RTL4: variants seen among roughly 807,000 people sequenced by gnomAD.
The protein encoded by RTL4 is retrotransposon Gag like 4.
RTL4 carries 4 observed loss-of-function variants against 5.3 expected under a neutral mutation model. The ratio of observed to expected loss-of-function variants is 0.75; its 90% CI spans 0.37 to 1.72. RTL4 has a LOEUF of 1.72. Among genes scored for constraint, RTL4 ranks in the 40% most tolerant of loss-of-function variants. The probability of loss-of-function intolerance (pLI) is 0.04; values close to 1 mark genes in which losing one functional copy is unlikely to be tolerated. For synonymous variants in RTL4, 98 were observed against 87.3 expected, an observed-to-expected ratio of 1.12 and a Z score of -0.68; for missense variants, 260 against 227.1, an observed-to-expected ratio of 1.14 and a Z score of -0.93.
At chrX:112,228,542 G>T in the RTL4 span, among the ~76,000 whole-genome samples, 1 of 112,186 alleles carries the variant, frequency 8.9e-6, no homozygotes, top group East Asian at 2.8e-4. Flanking sequence ...TGTGTATGTG[G>T]TGAGAACACT....
At chrX:112,091,788 T>A in the RTL4 span, among the ~76,000 whole-genome samples, 1 of 111,308 alleles carries the variant, frequency 9.0e-6, no homozygotes, top group African/African-American at 3.3e-5. Flanking sequence ...ATTTTCTTAA[T>A]GATTTTCTGT....
chrX:112,310,108 C>G, the RTL4 span, among the ~76,000 whole-genome samples: 1 of 103,574 alleles, frequency 9.7e-6, no homozygotes, highest in Non-Finnish European at 2.0e-5. Context: ...CTGCTATGGA[C>G]TGAATTGTAC....
chrX:112,312,297 A>C, the RTL4 span, among the ~76,000 whole-genome samples: 1 of 111,734 alleles, frequency 8.9e-6, no homozygotes, highest in South Asian at 3.7e-4. Flanking sequence ...GAACTAAATA[A>C]GATGGTATCT....
At chrX:112,137,042 C>T in the RTL4 span, among the ~76,000 whole-genome samples, 2 of 111,089 alleles carry the variant, frequency 1.8e-5, no homozygotes, top group Non-Finnish European at 3.8e-5. Flanking sequence ...CTCTGCACAA[C>T]AAAGGAAACA....
At chrX:112,110,844 C>A in the RTL4 span, among the ~76,000 whole-genome samples, 3 of 111,811 alleles carry the variant, frequency 2.7e-5, no homozygotes, top group Non-Finnish European at 5.6e-5. Flanking sequence ...CCAGGAGGAA[C>A]CATCTATCGT....
upstream of RTL4, among the ~76,000 whole-genome samples, chrX:112,451,454 A>G (rs1329170363): frequency 9.0e-6 from 1 of 111,365 alleles, no homozygotes; most frequent in African/African-American, 3.3e-5. Context: ...AACTGTGAAC[A>G]TGCCACTGCA....
At chrX:112,439,022 G>A in the RTL4 span, among the ~76,000 whole-genome samples, 1 of 111,951 alleles carries the variant, frequency 8.9e-6, no homozygotes, top group East Asian at 2.8e-4. Flanking sequence ...ATGTCTTTAT[G>A]TAGTCCAGAA....
the RTL4 span, among the ~76,000 whole-genome samples, chrX:112,235,170 T>C: frequency 8.9e-6 from 1 of 112,055 alleles, no homozygotes; most frequent in Non-Finnish European, 1.9e-5. Flanking sequence ...ATTTTCATTT[T>C]TGGCTTCTTT....
chrX:112,110,394 T>G, the RTL4 span, among the ~76,000 whole-genome samples: 1 of 111,591 alleles, frequency 9.0e-6, no homozygotes, highest in African/African-American at 3.3e-5. Context: ...GATAGTGAAG[T>G]AGATAAACTG....
the RTL4 span, among the ~76,000 whole-genome samples, chrX:112,357,488 C>T: frequency 9.0e-6 from 1 of 111,628 alleles, no homozygotes; most frequent in Non-Finnish European, 1.9e-5. Context: ...AACTAATGCT[C>T]ACCTCATTGG....
upstream of RTL4, among the ~76,000 whole-genome samples, chrX:112,450,015 G>A (rs1926707903): frequency 8.9e-6 from 1 of 112,190 alleles, no homozygotes; most frequent in East Asian, 2.8e-4. Context: ...TGTGGCCACA[G>A]CATTCCTCAG....
chrX:112,454,747 T>A, exon 1 of RTL4: 1 of 1,188,437 alleles, frequency 8.4e-7, no homozygotes, highest in African/African-American at 1.8e-5. Context: ...GTGCACGAAA[T>A]CATCATCTAC....
chrX:112,387,281 T>G, the RTL4 span, among the ~76,000 whole-genome samples: 2 of 111,637 alleles, frequency 1.8e-5, no homozygotes, highest in African/African-American at 6.5e-5. Context: ...TCTCCCACTT[T>G]GTGGGTTGTC....
chrX:112,194,081 G>C, the RTL4 span, among the ~76,000 whole-genome samples: 1 of 112,010 alleles, frequency 8.9e-6, no homozygotes, highest in African/African-American at 3.2e-5. Flanking sequence ...TCAAGGAAGG[G>C]CACTTTGAGA....
At chrX:112,454,688 T>C in exon 1 of RTL4, 9 of 1,093,674 alleles carry the variant, frequency 8.2e-6, no homozygotes, top group Non-Finnish European at 1.1e-5. Context: ...CCAGTACTAG[T>C]ACTCAATTCT....
chrX:112,271,138 T>C, the RTL4 span, among the ~76,000 whole-genome samples: 1 of 106,439 alleles, frequency 9.4e-6, no homozygotes, highest in Non-Finnish European at 1.9e-5. Context: ...AACAGCACAA[T>C]GGGAACTAAG....
chrX:112,349,384 G>A, the RTL4 span, among the ~76,000 whole-genome samples: 1 of 111,061 alleles, frequency 9.0e-6, no homozygotes, highest in Non-Finnish European at 1.9e-5. Context: ...CAGAGAAACT[G>A]GTTGTCTAAT....
the RTL4 span, among the ~76,000 whole-genome samples, chrX:112,260,697 A>G: frequency 1.8e-5 from 2 of 111,939 alleles, no homozygotes; most frequent in Non-Finnish European, 3.8e-5. Context: ...ATGAACGTAT[A>G]CACATAAGGC....
the RTL4 span, among the ~76,000 whole-genome samples, chrX:112,324,765 C>A: frequency 9.0e-6 from 1 of 110,870 alleles, no homozygotes; most frequent in Non-Finnish European, 1.9e-5. Context: ...TTTTTGTAAC[C>A]TAATATTTGG....
Sources: gnomAD v4.1 joint callset for allele counts (sites outside exome capture counted in the v4.1 genomes callset) on GRCh38, gnomAD v4.1.1 for gene constraint, MANE v1.5 for transcripts, NCBI Gene and HGNC (gene_info 2026-07-23, HGNC 2026-07-21) for gene names.